The following RSRC1 variants were observed in gnomAD, a reference collection of about 807,000 sequenced individuals.
RSRC1 encodes the protein serine/Arginine-related protein 53.
In RSRC1, 39 loss-of-function variants were observed where a neutral mutation model predicts 49.1. The observed-to-expected ratio is 0.79, with a 90% confidence interval of 0.61 to 1.04. The LOEUF (loss-of-function observed/expected upper bound fraction) is 1.04. Among genes scored for constraint, RSRC1 ranks in the 50% least tolerant of loss-of-function variants. The pLI, the probability that RSRC1 is intolerant of heterozygous loss-of-function variation, is 0.00. For missense variants in RSRC1, 388 were observed against 402.4 expected, an observed-to-expected ratio of 0.96 and a Z score of 0.31; for synonymous variants, 143 against 130.8, an observed-to-expected ratio of 1.09 and a Z score of -0.63.
intron 6 of RSRC1, among the ~76,000 whole-genome samples, chr3:158,445,583 A>G (rs925028461): frequency 6.6e-5 from 10 of 152,108 alleles, no homozygotes; most frequent in African/African-American, 2.4e-4. Flanking sequence ...CGGCACACCA[A>G]CATGGCACAT....
intron 7 of RSRC1, among the ~76,000 whole-genome samples, chr3:158,494,501 A>C (rs550259989): frequency 2.0e-5 from 3 of 152,302 alleles, no homozygotes; most frequent in African/African-American, 7.2e-5. Flanking sequence ...AGTGTATAGA[A>C]AGCATTTTTT....
At chr3:158,111,507 T>C (rs1714405654) in intron 1 of RSRC1, among the ~76,000 whole-genome samples, 1 of 152,238 alleles carries the variant, frequency 6.6e-6, no homozygotes, top group East Asian at 1.9e-4. Flanking sequence ...ATTCCTATGA[T>C]TGATCATGCT....
intron 3 of RSRC1, among the ~76,000 whole-genome samples, chr3:158,195,370 T>G (rs936032766): frequency 5.9e-5 from 9 of 151,568 alleles, no homozygotes; most frequent in African/African-American, 2.2e-4. Context: ...GTAAATTTGT[T>G]TGAGTTCATT....
chr3:158,443,877 T>G (rs371097425), intron 6 of RSRC1, among the ~76,000 whole-genome samples: 2 of 152,130 alleles, frequency 1.3e-5, no homozygotes, highest in African/African-American at 2.4e-5. Context: ...CTGATGGGCC[T>G]TATTTCAGTA....
chr3:158,181,733 G>A (rs1034333180), intron 3 of RSRC1, among the ~76,000 whole-genome samples: 11 of 152,178 alleles, frequency 7.2e-5, no homozygotes, highest in Admixed American at 2.0e-4. Context: ...GATAATTTAG[G>A]TACATGTAAA....
intron 7 of RSRC1, among the ~76,000 whole-genome samples, chr3:158,512,807 G>T (rs1405662409): frequency 6.6e-6 from 1 of 151,340 alleles, no homozygotes; most frequent in East Asian, 1.9e-4. Flanking sequence ...GTGGTTTGTA[G>T]TTCTCCTTGA....
At chr3:158,302,000 T>A (rs76109064) in intron 5 of RSRC1, among the ~76,000 whole-genome samples, 1 of 151,512 alleles carries the variant, frequency 6.6e-6, no homozygotes, top group Non-Finnish European at 1.5e-5. Context: ...TGTTTTTTTT[T>A]TTTGTTGTTG....
At chr3:158,289,674 A>G (rs539426943) in intron 4 of RSRC1, among the ~76,000 whole-genome samples, 2 of 152,328 alleles carry the variant, frequency 1.3e-5, no homozygotes, top group East Asian at 3.9e-4. Context: ...CAATCAAGAG[A>G]AAAGTGCTAA....
chr3:158,501,656 A>G (rs890735461), intron 7 of RSRC1, among the ~76,000 whole-genome samples: 1 of 152,238 alleles, frequency 6.6e-6, no homozygotes, highest in Admixed American at 6.5e-5. Context: ...TTTGTCTGAT[A>G]TAAGAATAGC....
chr3:158,544,041 A>G, intron 9 of RSRC1, 142 bp from the exon 10 acceptor site: 2 of 558,704 alleles, frequency 3.6e-6, no homozygotes, highest in Non-Finnish European at 6.3e-6. Context: ...GATAGTCATC[A>G]ATTAAGAGGT....
chr3:158,132,022 C>G, intron 3 of RSRC1: 2 of 325,434 alleles, frequency 6.1e-6, no homozygotes, highest in Non-Finnish European at 1.3e-5. Context: ...GTTGCTCTGT[C>G]ACCTGGGCTG....
chr3:158,168,818 G>A (rs529558526), intron 3 of RSRC1, among the ~76,000 whole-genome samples: 43 of 151,988 alleles, frequency 2.8e-4, no homozygotes, highest in Non-Finnish European at 5.0e-4. Flanking sequence ...AACCATTTTG[G>A]GGTACTGTAT....
chr3:158,401,572 T>C (rs971599042), intron 6 of RSRC1, among the ~76,000 whole-genome samples: 1 of 151,988 alleles, frequency 6.6e-6, no homozygotes, highest in African/African-American at 2.4e-5. Flanking sequence ...ATATAGCCAC[T>C]TCAAGATCAG....
chr3:158,498,678 T>C (rs1739457797), intron 7 of RSRC1, among the ~76,000 whole-genome samples: 2 of 152,228 alleles, frequency 1.3e-5, no homozygotes, highest in South Asian at 4.1e-4. Flanking sequence ...TACAATGTTA[T>C]CTTCTAGAAT....
chr3:158,393,032 A>G (rs1439576984), intron 6 of RSRC1, among the ~76,000 whole-genome samples: 1 of 152,120 alleles, frequency 6.6e-6, no homozygotes, highest in Non-Finnish European at 1.5e-5. Context: ...GCTCAAAACC[A>G]TATAATTACA....
chr3:158,372,751 T>G (rs770392263), intron 6 of RSRC1, among the ~76,000 whole-genome samples: 12 of 151,966 alleles, frequency 7.9e-5, no homozygotes, highest in Non-Finnish European at 2.9e-5. Flanking sequence ...ACTGGAATTT[T>G]GATTAGAGTT....
chr3:158,529,509 A>G (rs1196988546), intron 7 of RSRC1, among the ~76,000 whole-genome samples: 3 of 151,890 alleles, frequency 2.0e-5, no homozygotes, highest in Non-Finnish European at 4.4e-5. Flanking sequence ...TGAGGGTAAC[A>G]GTATTATTCC....
chr3:158,295,268 G>A (rs1417073893), intron 4 of RSRC1, among the ~76,000 whole-genome samples: 1 of 152,018 alleles, frequency 6.6e-6, no homozygotes, highest in Non-Finnish European at 1.5e-5. Flanking sequence ...TTAGGTAGGG[G>A]TGAAAGTGGT....
chr3:158,135,348 C>T (rs950944328), intron 3 of RSRC1, among the ~76,000 whole-genome samples: 29 of 150,800 alleles, frequency 1.9e-4, no homozygotes, highest in African/African-American at 6.6e-4. Context: ...CGGCTCACTA[C>T]AACCTTCATC....
Sources: gnomAD v4.1 joint callset for allele counts (sites outside exome capture counted in the v4.1 genomes callset) on GRCh38, gnomAD v4.1.1 for gene constraint, MANE v1.5 for transcripts, NCBI Gene and HGNC (gene_info 2026-07-23, HGNC 2026-07-21) for gene names.